ZNF578: variants seen among roughly 807,000 people sequenced by gnomAD.
The protein encoded by ZNF578 is zinc finger protein 578, also known as Putative chemokine-related protein B42.
A neutral mutation model predicts 8.3 loss-of-function variants in ZNF578; 8 were observed. The ratio of observed to expected loss-of-function variants is 0.96; its 90% CI spans 0.56 to 1.74. ZNF578 has a LOEUF of 1.74. Ranked by LOEUF, ZNF578 falls within the 40% of genes most tolerant of loss-of-function variation. ZNF578 has a pLI of 0.00. For synonymous variants in ZNF578, 206 were observed against 232.2 expected, an observed-to-expected ratio of 0.89 and a Z score of 1.03; for missense variants, 726 against 707.5, an observed-to-expected ratio of 1.03 and a Z score of -0.30.
chr19:52,456,695 A>G (rs2059240788), intron 1 of ZNF578, 173 bp from the exon 2 acceptor site: 1 of 153,892 alleles, frequency 6.5e-6, no homozygotes, highest in Non-Finnish European at 1.5e-5. Context: ...TGTCTGCATC[A>G]TCCCTGGTGC....
chr19:52,454,414 C>T (rs1457854), intron 1 of ZNF578: 134,968 of 152,188 alleles, frequency 0.89, 60,612 homozygotes, highest in Non-Finnish European at 0.96. Flanking sequence ...AGGCTCAGTC[C>T]ACAAGACTTC....
rs892490446 is a variant in ZNF578, at chr19:52,513,993, G to C, written c.*1839G>C. On this transcript the variant is annotated 3_prime_UTR_variant, in exon 6 of 6. Transcript: ENST00000421239. ...CGAATCAAAACCGTGCCACTGTACT[G>C]CAGCGAGGTTGGCAGAGTGAGTCTC... Among the ~76,000 whole-genome samples the C allele has an allele frequency of 2.6e-5, 4 of 151,672 alleles. No individual in the cohort carries two copies. Among genetic ancestry groups the C allele is most frequent in the Non-Finnish European group, 4.4e-5 (3 of 67,966 alleles).
chr19:52,493,095 A>G lies in ZNF578; in HGVS notation c.-20+1670A>G, dbSNP rs1414298400. Among the ~76,000 whole-genome samples the G allele has an allele frequency of 2.0e-5, 3 of 152,080 alleles. No homozygotes were observed. The East Asian group carries it at 5.8e-4, about 29-fold the overall frequency. On this transcript the variant is annotated intron_variant, in intron 3 of 5. Coordinates refer to ENST00000421239, the MANE Select transcript of ZNF578 (RefSeq NM_001099694.2). ...GCTGTAGGGCAGTGTATACACTTCT[A>G]TAGCGTAATTTTCCTGCTCAAAACC... is the stretch of plus-strand genomic sequence containing the variant.
chr19:52,489,094 G>A (rs1316091685), intron 2 of ZNF578, among the ~76,000 whole-genome samples: 9 of 151,578 alleles, frequency 5.9e-5, no homozygotes, highest in African/African-American at 9.7e-5. Flanking sequence ...GTGAGACTCC[G>A]TCTGCCCCCC....
chr19:52,474,577 A>G (rs1333582565), intron 2 of ZNF578: 1 of 310,536 alleles, frequency 3.2e-6, no homozygotes, highest in Non-Finnish European at 6.7e-6. Flanking sequence ...TCCAGTATGA[A>G]TTCTCTGATG....
In ZNF578 at chr19:52,513,527, G is replaced by C. The variant is rs2059459056; in HGVS notation, c.*1373G>C. Among the ~76,000 whole-genome samples the C allele has an allele frequency of 2.1e-5, 3 of 145,954 alleles. No homozygotes were observed. In the South Asian group the frequency reaches 6.5e-4, roughly 32 times the overall value. ...AGGCAGATAACAAAGTCAGGAGATT[G>C]AGACCGTCCTGGCTAACACGGTGAA... is the stretch of plus-strand genomic sequence containing the variant. On this transcript the variant is annotated 3_prime_UTR_variant, in exon 6 of 6. Coordinates refer to ENST00000421239, the MANE Select transcript of ZNF578 (RefSeq NM_001099694.2).
At chr19:52,494,224 A>T (rs2450866) in intron 3 of ZNF578, among the ~76,000 whole-genome samples, 3 of 151,734 alleles carry the variant, frequency 2.0e-5, no homozygotes, top group African/African-American at 7.3e-5. Flanking sequence ...CAGTGGCTCA[A>T]GCCTGTAATC....
intron 3 of ZNF578, among the ~76,000 whole-genome samples, chr19:52,494,050 A>G (rs2059376970): frequency 6.6e-6 from 1 of 152,068 alleles, no homozygotes; most frequent in Non-Finnish European, 1.5e-5. Flanking sequence ...AAGAGAAGTA[A>G]TAGAGGGAAG....
chr19:52,494,420 C>G (rs2059378542), intron 3 of ZNF578, among the ~76,000 whole-genome samples: 1 of 152,150 alleles, frequency 6.6e-6, no homozygotes. Context: ...TCACTTGAGC[C>G]CAGGAGCTCC....
chr19:52,483,391 G>A (rs1001827402), intron 2 of ZNF578, among the ~76,000 whole-genome samples: 1 of 151,992 alleles, frequency 6.6e-6, no homozygotes, highest in Non-Finnish European at 1.5e-5. Context: ...CTCCAGCCTC[G>A]GCAACAAGAG....
chr19:52,499,902 A>G (rs1289677451), intron 3 of ZNF578, among the ~76,000 whole-genome samples: 1 of 152,064 alleles, frequency 6.6e-6, no homozygotes, highest in Non-Finnish European at 1.5e-5. Flanking sequence ...CTGTGCCCCC[A>G]GGACCTCTCT....
rs199517414 is a variant in ZNF578, at chr19:52,454,102, T to TA, written c.-213+496dup. On this transcript the variant is annotated intron_variant, in intron 1 of 5. Coordinates refer to ENST00000421239, the MANE Select transcript of ZNF578 (RefSeq NM_001099694.2). ...TTTCCCCTTCACAACCCACATTCCT[T>TA]ACCCCGCATTGAGGGAGGTGACGGG... 1.9e-4 allele frequency: 29 copies of TA among 152,328 alleles called. No homozygotes were observed. In the East Asian group the frequency reaches 3.3e-3, roughly 17 times the overall value. The allele number at this position is 152,328 out of a possible 1,614,324, so 9.4% of individuals were successfully genotyped here.
At chr19:52,469,925 A>G (rs1457814677) in intron 2 of ZNF578, among the ~76,000 whole-genome samples, 1 of 152,164 alleles carries the variant, frequency 6.6e-6, no homozygotes, top group Non-Finnish European at 1.5e-5. Context: ...ATGACCTACA[A>G]TAATTGGTGC....
At chr19:52,464,402 A>G (rs2059268119) in intron 2 of ZNF578, among the ~76,000 whole-genome samples, 1 of 152,226 alleles carries the variant, frequency 6.6e-6, no homozygotes, top group Non-Finnish European at 1.5e-5. Context: ...GCAATTCCTA[A>G]GGTGGGCCAA....
At chr19:52,509,232 G>A (rs1053487389) in intron 5 of ZNF578, among the ~76,000 whole-genome samples, 1 of 151,984 alleles carries the variant, frequency 6.6e-6, no homozygotes, top group East Asian at 1.9e-4. Flanking sequence ...TTATAATGCT[G>A]TGTATTTTCT....
intron 2 of ZNF578, among the ~76,000 whole-genome samples, chr19:52,488,959 T>G (rs2059355536): frequency 6.6e-6 from 1 of 151,550 alleles, no homozygotes; most frequent in Non-Finnish European, 1.5e-5. Flanking sequence ...GCTGGCCATG[T>G]TTACACACGC....
intron 2 of ZNF578, among the ~76,000 whole-genome samples, chr19:52,487,100 A>G (rs2059348443): frequency 1.3e-5 from 2 of 152,058 alleles, no homozygotes; most frequent in South Asian, 4.2e-4. Flanking sequence ...CAGGAGAATG[A>G]GGCAAGTGGA....
At chr19:52,484,896 TAAAC>T (rs1473316516) in intron 2 of ZNF578, among the ~76,000 whole-genome samples, 1 of 145,482 alleles carries the variant, frequency 6.9e-6, no homozygotes, top group East Asian at 2.2e-4. Context: ...CCAGGTGAAA[TAAAC>T]AGCCATGTTG....
chr19:52,486,497 G>C (rs802584), intron 2 of ZNF578, among the ~76,000 whole-genome samples: 21,475 of 152,156 alleles, frequency 0.14, 1,763 homozygotes, highest in African/African-American at 0.22. Context: ...AGGACAAAAG[G>C]AACTGGAGAA....
Sources: allele counts gnomAD v4.1 joint callset (sites outside exome capture counted in the v4.1 genomes callset), GRCh38; gene constraint gnomAD v4.1.1; transcripts MANE v1.5; gene names NCBI Gene and HGNC (gene_info 2026-07-23, HGNC 2026-07-21).